Variants in TSPAN12 observed in about 807,000 individuals in gnomAD.
TSPAN12 encodes the protein tetraspanin 12.
In TSPAN12, 19 loss-of-function variants were observed where a neutral mutation model predicts 39.2. The ratio of observed to expected loss-of-function variants is 0.49; its 90% CI spans 0.34 to 0.71. The LOEUF (loss-of-function observed/expected upper bound fraction) is 0.71. Ranked by LOEUF, TSPAN12 falls within the 30% of genes least tolerant of loss-of-function variation. The probability of loss-of-function intolerance (pLI) is 0.01; values close to 1 mark genes in which losing one functional copy is unlikely to be tolerated. For synonymous variants in TSPAN12, 119 were observed against 124.8 expected (o/e 0.95, Z 0.31); for missense variants, 314 against 359.9 (o/e 0.87, Z 1.03).
Position 120,838,804 on chromosome 7 carries a change from C to T in TSPAN12, c.258G>A (p.Val86=). 6.2e-7 allele frequency: 1 copy of T among 1,613,974 alleles called. No homozygotes were observed. Among genetic ancestry groups the T allele is most frequent in the East Asian group, 2.2e-5 (1 of 44,850 alleles). ...IVGMLGYCGT[V]KRNLLLLAWY... ...ATGCAAGAAGCAACAGATTTCTTTT[C>T]ACCGTTCCACAATATCCTAACATCC... Residue 86 remains valine, a synonymous_variant, in exon 4 of 8, where the codon GTG becomes GTA. Coordinates refer to ENST00000222747, the MANE Select transcript of TSPAN12 (RefSeq NM_012338.4).
chr7:120,848,491 C>T (rs574642366), intron 2 of TSPAN12, among the ~76,000 whole-genome samples: 9 of 152,096 alleles, frequency 5.9e-5, no homozygotes, highest in African/African-American at 1.7e-4. Context: ...TAATAAGAAC[C>T]GAGCTTTCTA....
chr7:120,801,797 T>C (rs1215431485), intron 7 of TSPAN12, among the ~76,000 whole-genome samples: 1 of 152,174 alleles, frequency 6.6e-6, no homozygotes, highest in Non-Finnish European at 1.5e-5. Context: ...TCTGAGACAG[T>C]AAGTGCTGCA....
rs572248057 is a variant in TSPAN12, at chr7:120,828,182, G to A, written c.285+10595C>T. ...TATCATTAAAAAAGGTTATCAAAAC[G>A]TAATTCTCCCTTACTTAGCCAAGAG... On this transcript the variant is annotated intron_variant, in intron 4 of 7. Coordinates refer to ENST00000222747, the MANE Select transcript of TSPAN12 (RefSeq NM_012338.4). Among the ~76,000 whole-genome samples, 6 of 152,220 alleles carry A rather than the reference G, an allele frequency of 3.9e-5. No homozygotes were observed. In the South Asian group the frequency reaches 6.2e-4, roughly 16 times the overall value.
chr7:120,819,467 G>A (rs1794147042), intron 4 of TSPAN12, among the ~76,000 whole-genome samples: 1 of 152,158 alleles, frequency 6.6e-6, no homozygotes, highest in South Asian at 2.1e-4. Context: ...GGTTTCACAT[G>A]ATGCCAGTTA....
At chr7:120,815,834 A>G in intron 4 of TSPAN12, 31 bp from the exon 5 acceptor site, 1 of 1,585,776 alleles carries the variant, frequency 6.3e-7, no homozygotes, top group Middle Eastern at 1.7e-4. Context: ...ATGCTGTTAT[A>G]GTATCAGAAT....
At chr7:120,838,179 C>T (rs931443746) in intron 4 of TSPAN12, among the ~76,000 whole-genome samples, 9 of 152,226 alleles carry the variant, frequency 5.9e-5, no homozygotes, top group African/African-American at 2.2e-4. Context: ...TTTTAATCAA[C>T]TCAATTTTTT....
chr7:120,795,464 A>C (rs980867368), intron 7 of TSPAN12, among the ~76,000 whole-genome samples: 1 of 152,230 alleles, frequency 6.6e-6, no homozygotes, highest in Non-Finnish European at 1.5e-5. Context: ...TATACACTTG[A>C]AATTATTCTC....
At chr7:120,791,800 C>G (rs1012649273) in intron 7 of TSPAN12, among the ~76,000 whole-genome samples, 2 of 152,096 alleles carry the variant, frequency 1.3e-5, no homozygotes, top group African/African-American at 4.8e-5. Flanking sequence ...CCTAGGATGG[C>G]TGGGGAATGA....
At chr7:120,846,820 T>C (rs1371277782) in intron 2 of TSPAN12, among the ~76,000 whole-genome samples, 1 of 152,222 alleles carries the variant, frequency 6.6e-6, no homozygotes, top group Non-Finnish European at 1.5e-5. Flanking sequence ...CAAATTCCTT[T>C]GGGAGGGCCT....
intron 4 of TSPAN12, among the ~76,000 whole-genome samples, chr7:120,822,455 G>A (rs1002259040): frequency 2.0e-5 from 3 of 151,870 alleles, no homozygotes; most frequent in Non-Finnish European, 4.4e-5. Flanking sequence ...TAATCCCAGG[G>A]AAAACTGCAT....
At chr7:120,819,470 G>A (rs1376263952) in intron 4 of TSPAN12, among the ~76,000 whole-genome samples, 2 of 152,028 alleles carry the variant, frequency 1.3e-5, no homozygotes, top group Non-Finnish European at 2.9e-5. Context: ...TTCACATGAT[G>A]CCAGTTATCC....
chr7:120,821,847 T>C (rs1794193245), intron 4 of TSPAN12, among the ~76,000 whole-genome samples: 1 of 152,160 alleles, frequency 6.6e-6, no homozygotes, highest in East Asian at 1.9e-4. Flanking sequence ...CTCCTGAGAC[T>C]ATCAGTGTCA....
intron 5 of TSPAN12, among the ~76,000 whole-genome samples, chr7:120,813,215 C>G (rs1794015766): frequency 6.6e-6 from 1 of 152,206 alleles, no homozygotes; most frequent in South Asian, 2.1e-4. Flanking sequence ...TTCATTCACA[C>G]TGCTATTAGT....
chr7:120,853,007 C>A (rs1794798126), intron 2 of TSPAN12, among the ~76,000 whole-genome samples: 1 of 152,194 alleles, frequency 6.6e-6, no homozygotes, highest in Admixed American at 6.5e-5. Flanking sequence ...GCAAACATTG[C>A]CTTAACACTG....
At chr7:120,795,582 T>C (rs1793612607) in intron 7 of TSPAN12, among the ~76,000 whole-genome samples, 1 of 152,200 alleles carries the variant, frequency 6.6e-6, no homozygotes, top group African/African-American at 2.4e-5. Context: ...TTAATGTGCT[T>C]ATGAAGATAA....
At chr7:120,818,465 A>G (rs531425934) in intron 4 of TSPAN12, among the ~76,000 whole-genome samples, 3 of 152,222 alleles carry the variant, frequency 2.0e-5, no homozygotes, top group Admixed American at 1.3e-4. Context: ...GTGAGCCATT[A>G]GCATTCAAAC....
intron 7 of TSPAN12, among the ~76,000 whole-genome samples, chr7:120,803,750 G>A (rs1347754906): frequency 6.6e-6 from 1 of 152,062 alleles, no homozygotes; most frequent in African/African-American, 2.4e-5. Context: ...AATAATCTGG[G>A]CTATCAACTT....
At chr7:120,820,576 C>T (rs951174820) in intron 4 of TSPAN12, among the ~76,000 whole-genome samples, 2 of 151,934 alleles carry the variant, frequency 1.3e-5, no homozygotes, top group Admixed American at 1.3e-4. Flanking sequence ...TCGGGGTTTC[C>T]TTGTCTGCTG....
intron 2 of TSPAN12, among the ~76,000 whole-genome samples, chr7:120,849,688 T>C (rs1358228951): frequency 1.3e-5 from 2 of 152,258 alleles, no homozygotes; most frequent in African/African-American, 2.4e-5. Context: ...ATAATTTTTA[T>C]TGGCTAATCT....
Sources: allele counts gnomAD v4.1 joint callset (sites outside exome capture counted in the v4.1 genomes callset), GRCh38; gene constraint gnomAD v4.1.1; transcripts MANE v1.5; gene names NCBI Gene and HGNC (gene_info 2026-07-23, HGNC 2026-07-21).